The following ZFR2 variants were observed in gnomAD, a reference collection of about 807,000 sequenced individuals.
ZFR2 encodes the protein zinc finger RNA-binding protein 2.
ZFR2 carries 104 observed loss-of-function variants against 105.7 expected under a neutral mutation model. The ratio of observed to expected loss-of-function variants is 0.98; its 90% CI spans 0.84 to 1.16. The LOEUF is 1.16. Among genes scored for constraint, ZFR2 ranks in the 50% most tolerant of loss-of-function variants. The pLI is 0.00. For missense variants in ZFR2, 1,425 were observed against 1,355.5 expected, an observed-to-expected ratio of 1.05 and a Z score of -0.80; for synonymous variants, 634 against 597.7, an observed-to-expected ratio of 1.06 and a Z score of -0.89.
At chr19:3,840,231 G>A (rs1218799695) in intron 1 of ZFR2, among the ~76,000 whole-genome samples, 1 of 150,730 alleles carries the variant, frequency 6.6e-6, no homozygotes, top group Non-Finnish European at 1.5e-5. Context: ...GCTCTTTTTT[G>A]TTTGCTTGTT....
intron 1 of ZFR2, among the ~76,000 whole-genome samples, chr19:3,846,533 C>T (rs2038186288): frequency 6.6e-6 from 1 of 152,180 alleles, no homozygotes; most frequent in Non-Finnish European, 1.5e-5. Context: ...GGCAGGCTTC[C>T]ATCTGTACTT....
At chr19:3,862,730 C>T (rs1343690012) in intron 1 of ZFR2, among the ~76,000 whole-genome samples, 1 of 152,270 alleles carries the variant, frequency 6.6e-6, no homozygotes, top group Non-Finnish European at 1.5e-5. Flanking sequence ...TGAAAGTACA[C>T]TTCAACCCAT....
chr19:3,839,075 A>C (rs2038107780), intron 1 of ZFR2, among the ~76,000 whole-genome samples: 2 of 152,088 alleles, frequency 1.3e-5, no homozygotes, highest in South Asian at 4.1e-4. Context: ...GGGACCGCAC[A>C]CGCTCTGATC....
At position 3,858,178 on chromosome 19, in the gene ZFR2, C is replaced by T. The variant is rs989084275; in HGVS notation, c.53+10787G>A. 6.6e-6 allele frequency among the ~76,000 whole-genome samples: 1 copy of T among 152,102 alleles called. No individual in the cohort carries two copies. On this transcript the variant is annotated intron_variant, in intron 1 of 18. Transcript: ENST00000262961. The surrounding 1 kb of genome is among the most constrained non-coding windows in gnomAD (Gnocchi z 4.3). The stretch of plus-strand genomic sequence containing the variant: ...TCAAGGCCTAGGGGATGGAATGGGC[C>T]CATCTGAGCTGCCCACGTCACCTGG...
chr19:3,807,364 GC>G lies in ZFR2; in HGVS notation c.2546-96del. ...CCCTCGACACCGTGGGGCCTCAGGGGCCCGTGCATGGGGCTATACTTGCAGC... is the reference window on the plus strand; with the variant it reads ...CCCTCGACACCGTGGGGCCTCAGGGGCCGTGCATGGGGCTATACTTGCAGC... On this transcript the variant is annotated intron_variant, in intron 17 of 18. Coordinates refer to ENST00000262961, the MANE Select transcript of ZFR2 (RefSeq NM_015174.2). The G allele has an allele frequency of 3.4e-6, 3 of 872,364 alleles. No individual in the cohort carries two copies. In the South Asian group the frequency reaches 4.6e-5, roughly 13 times the overall value. The allele number at this position is 872,364 out of a possible 1,614,324, so 54.0% of individuals were successfully genotyped here.
At chr19:3,830,619 C>A (rs1445307712) in intron 5 of ZFR2, among the ~76,000 whole-genome samples, 1 of 152,110 alleles carries the variant, frequency 6.6e-6, no homozygotes, top group Non-Finnish European at 1.5e-5. Context: ...GTCCTGATAA[C>A]GGTGTCCTGA....
intron 11 of ZFR2, 65 bp downstream of exon 11, chr19:3,820,117 A>G (rs2037872872): frequency 6.7e-7 from 1 of 1,483,586 alleles, no homozygotes; most frequent in African/African-American, 1.4e-5. Flanking sequence ...CCTCCCGAGG[A>G]GGTGTCCGCT....
At chr19:3,806,446 G>A (rs2037697864) in intron 18 of ZFR2, among the ~76,000 whole-genome samples, 1 of 152,202 alleles carries the variant, frequency 6.6e-6, no homozygotes, top group African/African-American at 2.4e-5. Flanking sequence ...ATTTTTAGTA[G>A]AGACAGGGTT....
intron 1 of ZFR2, among the ~76,000 whole-genome samples, chr19:3,864,317 G>A (rs914194028): frequency 3.9e-5 from 6 of 152,110 alleles, no homozygotes; most frequent in African/African-American, 9.7e-5. Context: ...GTTAGAGGCT[G>A]CAGTGAGCCA....
intron 3 of ZFR2, 70 bp downstream of exon 3, chr19:3,833,594 T>C: frequency 7.8e-7 from 1 of 1,274,078 alleles, no homozygotes. Flanking sequence ...AAAAAGTAAG[T>C]TTCCCAAGGT....
At chr19:3,868,326 TC>T (rs921203862) in intron 1 of ZFR2, among the ~76,000 whole-genome samples, 7 of 141,844 alleles carry the variant, frequency 4.9e-5, no homozygotes, top group African/African-American at 1.9e-4. Context: ...CCTCTGTCCA[TC>T]CCCCTGCCCG....
intron 14 of ZFR2, among the ~76,000 whole-genome samples, chr19:3,812,212 A>G (rs2037773173): frequency 6.6e-6 from 1 of 151,622 alleles, no homozygotes; most frequent in Non-Finnish European, 1.5e-5. Flanking sequence ...CCAAAGTGCT[A>G]GGATTACAGG....
In ZFR2 at chr19:3,831,882, G is replaced by A. The variant is rs2038021365; in HGVS notation, c.380-4C>T. 4.5e-6 allele frequency: 7 copies of A among 1,563,424 alleles called. No individual in the cohort carries two copies. Among genetic ancestry groups the A allele is most frequent in the Non-Finnish European group, 6.0e-6 (7 of 1,159,926 alleles). On this transcript the variant is annotated splice_polypyrimidine_tract_variant and splice_region_variant and intron_variant, in intron 3 of 18. Coordinates refer to ENST00000262961, the MANE Select transcript of ZFR2 (RefSeq NM_015174.2). ...TGCCCGCAGGCTTCTTGGGTCCCTA[G>A]GGGACAGGGACAGGCCCTCTGCAGA...
Position 3,820,756 on chromosome 19 carries a change from A to G in ZFR2, c.1632-466T>C, listed in dbSNP as rs568551610. Among the ~76,000 whole-genome samples the G allele has an allele frequency of 4.8e-3, 389 of 80,374 alleles. 6 individuals carry two copies. Among genetic ancestry groups the G allele is most frequent in the African/African-American group, 0.017 (365 of 21,266 alleles). 52.7% of individuals were successfully genotyped at this position (80,374 alleles called of 152,430 possible). On this transcript the variant is annotated intron_variant, in intron 10 of 18. Transcript: ENST00000262961. ...GTCATCAGGGGTCAGGAGACACAGG[A>G]ACACCAGGGGACAGAGGGACACCAG...
chr19:3,855,323 A>C, intron 1 of ZFR2: 1 of 1,202,128 alleles, frequency 8.3e-7, no homozygotes, highest in Non-Finnish European at 1.0e-6. Flanking sequence ...AAGTCATTAG[A>C]GGCCTTCTGA....
chr19:3,834,946 C>T lies in ZFR2; in HGVS notation c.91G>A (p.Ala31Thr), dbSNP rs370684651. 30 of 1,611,262 alleles carry T rather than the reference C, an allele frequency of 1.9e-5. No homozygotes were observed. In the African/African-American group the frequency reaches 3.6e-4, roughly 19 times the overall value. Residue 31 changes from alanine (A) to threonine (T), a missense_variant, in exon 2 of 19, where the codon GCC (alanine) becomes ACC (threonine). By Grantham distance (58) the Ala-to-Thr change is moderately conservative. Coordinates refer to ENST00000262961, the MANE Select transcript of ZFR2 (RefSeq NM_015174.2). This position sits in a 1 kb window ranked among gnomAD's most constrained non-coding sequence, Gnocchi z 5.3. ...PPTLPLPTVGASYTAQPTPGM... is the reference protein window; with the variant it reads ...PPTLPLPTVGTSYTAQPTPGM... ...GGAGTGGGTTGTGCAGTATAGCTGG[C>T]CCCCACAGTGGGCAGGGGAAGGGTC...
chr19:3,804,845 G>C lies in ZFR2; in HGVS notation c.*1104C>G, dbSNP rs1568413979. 1 of 153,454 alleles carries C rather than the reference G, an allele frequency of 6.5e-6. No homozygotes were observed. The highest frequency in any genetic ancestry group is 1.5e-5 in the Non-Finnish European group (1 of 68,822). The allele number at this position is 153,454 out of a possible 1,614,324, so 9.5% of individuals were successfully genotyped here. A position where few individuals can be genotyped will look rare whatever the true frequency, so the allele number is the denominator to read the frequency against. On this transcript the variant is annotated 3_prime_UTR_variant, in exon 19 of 19. Transcript: ENST00000262961. ...CACGTGATTTCAAATCCATGCCGCAGCCGCATCCAAAGAAAGTTTTGTTTG... is the reference window on the plus strand; with the variant it reads ...CACGTGATTTCAAATCCATGCCGCACCCGCATCCAAAGAAAGTTTTGTTTG...
At chr19:3,849,613 G>A (rs140957240) in intron 1 of ZFR2, among the ~76,000 whole-genome samples, 4 of 152,348 alleles carry the variant, frequency 2.6e-5, no homozygotes, top group East Asian at 1.9e-4. Flanking sequence ...ATGCCAGGGC[G>A]TAGCCTTGTG....
chr19:3,858,989 CTGGAT>C lies in ZFR2; in HGVS notation c.53+9971_53+9975del, dbSNP rs1045961880. On this transcript the variant is annotated intron_variant, in intron 1 of 18. Transcript: ENST00000262961. The surrounding 1 kb of genome is among the most constrained non-coding windows in gnomAD (Gnocchi z 4.3). ...TGGTTAATACTGAGTGTCAACTTGACTGGATTGAAGGATGCAAAATATTGTCCTGG... is the reference window on the plus strand; with the variant it reads ...TGGTTAATACTGAGTGTCAACTTGACTGAAGGATGCAAAATATTGTCCTGG... 1.3e-5 allele frequency among the ~76,000 whole-genome samples: 2 copies of C among 152,058 alleles called. No individual in the cohort carries two copies. The highest frequency in any genetic ancestry group is 4.8e-5 in the African/African-American group (2 of 41,404).
Sources: gnomAD v4.1 joint callset for allele counts (sites outside exome capture counted in the v4.1 genomes callset) on GRCh38, gnomAD v4.1.1 for gene constraint, Gnocchi (gnomAD v3.1) non-coding constraint, MANE v1.5 for transcripts, NCBI Gene and HGNC (gene_info 2026-07-23, HGNC 2026-07-21) for gene names.